Variants in RAPGEF6 observed in about 807,000 individuals in gnomAD.
The protein encoded by RAPGEF6 is Rap guanine nucleotide exchange factor 6.
RAPGEF6 carries 56 observed loss-of-function variants against 171.4 expected under a neutral mutation model. The ratio of observed to expected loss-of-function variants is 0.33; its 90% CI spans 0.26 to 0.41. The LOEUF is 0.41. RAPGEF6 is among the 10% of genes least tolerant of loss of function. The probability of loss-of-function intolerance (pLI) is 1.00; values close to 1 mark genes in which losing one functional copy is unlikely to be tolerated. For missense variants in RAPGEF6, 1,674 were observed against 1,921.4 expected (o/e 0.87, Z 2.41); for synonymous variants, 692 against 650.1 (o/e 1.06, Z -0.98).
Position 131,428,967 on chromosome 5 carries a change from C to A in RAPGEF6, c.4715G>T (p.Arg1572Met). The change falls in exon 27 of 28, where the codon AGG (arginine) becomes ATG (methionine). Residue 1572 changes from arginine (R) to methionine (M), a missense_variant. By Grantham distance (91) the Arg-to-Met change is moderately conservative (BLOSUM62 -1). Around this residue, in one of 3 missense-constraint regions of RAPGEF6, gnomAD observed 552 missense variants for 574.2 expected, o/e 0.96. Transcript: ENST00000509018. ...AGGATGGAATGGCTGCAAATTATGCCTCTGAGGCTGAGTTACAATCTTCGA... is the reference window on the plus strand; with the variant it reads ...AGGATGGAATGGCTGCAAATTATGCATCTGAGGCTGAGTTACAATCTTCGA... ...VPSKIVTQPQ[R>M]HNLQPFHPKL... is the part of the protein sequence containing the mutation. The A allele has an allele frequency of 6.2e-7, 1 of 1,614,214 alleles. No homozygotes were observed. Among genetic ancestry groups the A allele is most frequent in the Non-Finnish European group, 8.5e-7 (1 of 1,180,034 alleles).
chr5:131,569,349 T>G (rs1042791497), intron 4 of RAPGEF6, among the ~76,000 whole-genome samples: 1 of 152,198 alleles, frequency 6.6e-6, no homozygotes, highest in Non-Finnish European at 1.5e-5. Context: ...ACAGTCAGGA[T>G]TGGTACCAAG....
At chr5:131,494,569 T>C (rs1482123188) in intron 13 of RAPGEF6, among the ~76,000 whole-genome samples, 1 of 152,160 alleles carries the variant, frequency 6.6e-6, no homozygotes, top group African/African-American at 2.4e-5. Context: ...GATTTGGCTA[T>C]AATCTAGGGT....
intron 24 of RAPGEF6, chr5:131,435,819 G>A: frequency 7.2e-7 from 1 of 1,395,318 alleles, no homozygotes; most frequent in Non-Finnish European, 9.4e-7. Flanking sequence ...TACAAATGAG[G>A]CATTTTCAAG....
intron 6 of RAPGEF6, among the ~76,000 whole-genome samples, chr5:131,532,527 AC>A (rs1348288444): frequency 1.3e-5 from 2 of 152,080 alleles, no homozygotes; most frequent in Admixed American, 1.3e-4. Context: ...ATTCCGTGAA[AC>A]CTTTCCTCTC....
intron 22 of RAPGEF6, among the ~76,000 whole-genome samples, chr5:131,445,493 C>CTGTGTGTGTGTGTGTGTGTGTGTG (rs11269268): frequency 0.01 from 1,514 of 147,274 alleles, 27 homozygotes; most frequent in African/African-American, 0.035. Context: ...AACTCACTCT[C>CTGTGTGTGTGTGTGTGTGTGTGTG]TGTGTGTGTG....
chr5:131,504,600 C>A, intron 11 of RAPGEF6, 26 bp downstream of exon 11: 1 of 1,541,688 alleles, frequency 6.5e-7, no homozygotes. Context: ...AAATCAGTGA[C>A]TAGAAAAATA....
intron 21 of RAPGEF6, among the ~76,000 whole-genome samples, chr5:131,452,492 G>T (rs1042172259): frequency 6.6e-6 from 1 of 152,040 alleles, no homozygotes; most frequent in Non-Finnish European, 1.5e-5. Flanking sequence ...TTACAGGAAT[G>T]AAGTATGAAT....
intron 1 of RAPGEF6, among the ~76,000 whole-genome samples, chr5:131,623,462 G>A (rs1203475570): frequency 7.2e-6 from 1 of 139,392 alleles, no homozygotes; most frequent in Non-Finnish European, 1.5e-5. Flanking sequence ...TAAAGGAACA[G>A]TATTTTTCAC....
At chr5:131,511,481 C>CTTTTTTTTTTTTTTT (rs55782171) in intron 7 of RAPGEF6, among the ~76,000 whole-genome samples, 14 of 137,328 alleles carry the variant, frequency 1.0e-4, no homozygotes, top group Non-Finnish European at 1.8e-4. Context: ...AAAAGATCAT[C>CTTTTTTTTTTTTTTT]TTTTTTTTTT....
At chr5:131,442,316 T>A (rs113670832) in intron 23 of RAPGEF6, 33 bp downstream of exon 23, 1 of 1,547,396 alleles carries the variant, frequency 6.5e-7, no homozygotes, top group African/African-American at 1.4e-5. Flanking sequence ...AAATTTCAGG[T>A]AAACGGATGT....
chr5:131,597,685 G>T (rs190692990), intron 3 of RAPGEF6, among the ~76,000 whole-genome samples: 2 of 152,230 alleles, frequency 1.3e-5, no homozygotes, highest in Admixed American at 6.5e-5. Context: ...GTAGAACTGT[G>T]GTTACCAGAG....
chr5:131,480,289 T>C (rs916928338), intron 15 of RAPGEF6, among the ~76,000 whole-genome samples: 1 of 152,160 alleles, frequency 6.6e-6, no homozygotes, highest in African/African-American at 2.4e-5. Flanking sequence ...GTCTTGAATA[T>C]GCACAAATTT....
At chr5:131,589,050 A>G (rs1292434079) in intron 4 of RAPGEF6, among the ~76,000 whole-genome samples, 7 of 152,104 alleles carry the variant, frequency 4.6e-5, no homozygotes, top group Non-Finnish European at 8.8e-5. Flanking sequence ...AACCTGGGTG[A>G]CAGAGTGAGA....
chr5:131,626,381 C>T (rs897102078), intron 1 of RAPGEF6, among the ~76,000 whole-genome samples: 4 of 152,094 alleles, frequency 2.6e-5, no homozygotes, highest in Non-Finnish European at 4.4e-5. Context: ...ATTTTTGCAT[C>T]TTTGGGAGCG....
chr5:131,485,171 C>A (rs549509336), intron 15 of RAPGEF6, among the ~76,000 whole-genome samples: 1 of 152,262 alleles, frequency 6.6e-6, no homozygotes, highest in African/African-American at 2.4e-5. Context: ...AAGTGATCCT[C>A]CCGCCTCAGC....
chr5:131,476,303 T>C (rs1187566930), intron 16 of RAPGEF6, among the ~76,000 whole-genome samples: 2 of 152,138 alleles, frequency 1.3e-5, no homozygotes, highest in African/African-American at 2.4e-5. Flanking sequence ...AAAATATTTA[T>C]TGGCTAGTGC....
intron 4 of RAPGEF6, among the ~76,000 whole-genome samples, chr5:131,564,967 T>C (rs1185431149): frequency 6.6e-6 from 1 of 152,132 alleles, no homozygotes; most frequent in Non-Finnish European, 1.5e-5. Flanking sequence ...ATCTATTAGT[T>C]TTAGCATTTT....
In RAPGEF6 at chr5:131,429,105, T is replaced by A. The variant is rs149517739; in HGVS notation, c.4577A>T (p.His1526Leu). 155 of 1,614,044 alleles carry A rather than the reference T, an allele frequency of 9.6e-5. No homozygotes were observed. The highest frequency in any genetic ancestry group is 1.2e-4 in the Non-Finnish European group (145 of 1,180,030). Residue 1526 changes from histidine (H) to leucine (L), a missense_variant, in exon 27 of 28, where the codon CAC (histidine) becomes CTC (leucine). Physicochemically the swap from His to Leu is moderately conservative, Grantham distance 99. This residue lies in a region of RAPGEF6 where 552 missense variants were observed against 574.2 expected (regional missense o/e 0.96). Coordinates refer to ENST00000509018, the MANE Select transcript of RAPGEF6 (RefSeq NM_016340.6). ...LADLKEGPHT[H>L]LKPPDYSVAV... is the part of the protein sequence containing the mutation. ...CACACTATAATCTGGAGGTTTTAGG[T>A]GTGTGTGGGGTCCTTCCTTTAGGTC...
intron 5 of RAPGEF6, among the ~76,000 whole-genome samples, chr5:131,549,115 T>A (rs1760742933): frequency 1.3e-5 from 2 of 152,104 alleles, no homozygotes; most frequent in Non-Finnish European, 2.9e-5. Context: ...TATAGACCTA[T>A]CTAGCTCAAC....
Sources: allele counts gnomAD v4.1 joint callset (sites outside exome capture counted in the v4.1 genomes callset), GRCh38; gene constraint gnomAD v4.1.1; regional missense constraint gnomAD v4.1.1; transcripts MANE v1.5; gene names NCBI Gene and HGNC (gene_info 2026-07-23, HGNC 2026-07-21).